CPLANE1: variants seen among roughly 807,000 people sequenced by gnomAD.
The protein encoded by CPLANE1 is ciliogenesis and planar polarity effector 1.
CPLANE1 carries 263 observed loss-of-function variants against 362.5 expected under a neutral mutation model. That is an observed-to-expected ratio of 0.73 (90% CI 0.66 to 0.80). The LOEUF (loss-of-function observed/expected upper bound fraction) is 0.80. CPLANE1 is among the 30% of genes least tolerant of loss of function. The pLI is 0.00. For synonymous variants in CPLANE1, 1,212 were observed against 1,302.6 expected (o/e 0.93, Z 1.50); for missense variants, 3,461 against 3,793.4 (o/e 0.91, Z 2.30).
intron 47 of CPLANE1, among the ~76,000 whole-genome samples, chr5:37,122,884 AAAAT>A (rs1356437941): frequency 6.6e-6 from 1 of 152,324 alleles, no homozygotes; most frequent in Admixed American, 6.5e-5. Flanking sequence ...CCGTTTCAAA[AAAAT>A]AAATAAATAA....
intron 23 of CPLANE1, among the ~76,000 whole-genome samples, chr5:37,187,153 C>G (rs955200007): frequency 1.3e-5 from 2 of 150,758 alleles, no homozygotes; most frequent in African/African-American, 4.9e-5. Context: ...AAGGTTGTAC[C>G]CTTTGACCAA....
At position 37,186,343 on chromosome 5, in the gene CPLANE1, G is replaced by T; in HGVS notation, c.4132C>A (p.Pro1378Thr). The T allele has an allele frequency of 1.2e-6, 2 of 1,606,936 alleles. No homozygotes were observed. Among genetic ancestry groups the T allele is most frequent in the Non-Finnish European group, 1.7e-6 (2 of 1,173,844 alleles). Residue 1378 changes from proline to threonine, a missense_variant, in exon 24 of 53, where the codon CCT becomes ACT. Pro to Thr is a conservative substitution (Grantham distance 38, BLOSUM62 -1). Coordinates refer to ENST00000651892, the MANE Select transcript of CPLANE1 (RefSeq NM_001384732.1). ...AFPYPEDVRV[P>T]LRDKYHSLHQ... ...AGAGAGTGATATTTGTCTCTTAAAGGAACCCTCACGTCCTCAGGATAGGGA... is the reference window on the plus strand; with the variant it reads ...AGAGAGTGATATTTGTCTCTTAAAGTAACCCTCACGTCCTCAGGATAGGGA...
chr5:37,211,686 T>C, intron 16 of CPLANE1: 2 of 785,488 alleles, frequency 2.5e-6, no homozygotes, highest in South Asian at 2.7e-5. Context: ...GCCCCCGCCA[T>C]CACCCGCTGA....
chr5:37,237,451 C>T (rs1171357758), intron 8 of CPLANE1, among the ~76,000 whole-genome samples: 7 of 152,076 alleles, frequency 4.6e-5, no homozygotes, highest in South Asian at 2.1e-4. Flanking sequence ...TACTAAAAGA[C>T]GGGAGGGGAG....
At chr5:37,218,377 A>G (rs1794622004) in intron 15 of CPLANE1, among the ~76,000 whole-genome samples, 1 of 152,196 alleles carries the variant, frequency 6.6e-6, no homozygotes, top group African/African-American at 2.4e-5. Flanking sequence ...TGTTGTCACA[A>G]CTTGTCACTG....
intron 51 of CPLANE1, 92 bp from the exon 52 acceptor site, chr5:37,108,563 G>T: frequency 8.5e-7 from 1 of 1,178,556 alleles, no homozygotes. Context: ...TCAAAGCCAA[G>T]GTAGTCACAT....
intron 38 of CPLANE1, among the ~76,000 whole-genome samples, chr5:37,161,563 C>T (rs1168951681): frequency 6.6e-6 from 1 of 152,126 alleles, no homozygotes; most frequent in Non-Finnish European, 1.5e-5. Context: ...AAGATACACT[C>T]TAATTTAAGA....
At chr5:37,182,408 A>G (rs957556112) in intron 26 of CPLANE1, among the ~76,000 whole-genome samples, 3 of 152,206 alleles carry the variant, frequency 2.0e-5, no homozygotes, top group African/African-American at 7.2e-5. Context: ...ATCAGTAATT[A>G]AAACTACAGA....
At chr5:37,157,460 A>T (rs769244731) in intron 40 of CPLANE1, 40 bp from the exon 41 acceptor site, 5 of 1,418,580 alleles carry the variant, frequency 3.5e-6, no homozygotes, top group Non-Finnish European at 4.8e-6. Context: ...GAATTGGCTG[A>T]TTCTATCAAG....
At chr5:37,168,732 T>A in intron 34 of CPLANE1, 59 bp downstream of exon 34, 1 of 1,394,318 alleles carries the variant, frequency 7.2e-7, no homozygotes, top group Non-Finnish European at 9.9e-7. Context: ...ACAGTACTTA[T>A]GGTATGAAAA....
chr5:37,137,497 C>T (rs1768068142), intron 46 of CPLANE1, among the ~76,000 whole-genome samples: 1 of 152,184 alleles, frequency 6.6e-6, no homozygotes, highest in Non-Finnish European at 1.5e-5. Context: ...TTTACAGTAG[C>T]ACCCCACTCT....
chr5:37,126,028 AG>A (rs1764039343), intron 46 of CPLANE1, among the ~76,000 whole-genome samples: 1 of 152,168 alleles, frequency 6.6e-6, no homozygotes, highest in South Asian at 2.1e-4. Context: ...GCTTTAGCCC[AG>A]GAGTTCAAGA....
chr5:37,122,485 A>G lies in CPLANE1; in HGVS notation c.8962T>C (p.Tyr2988His). Reference sequence around the variant, plus strand: ...AGCCTTATTTCCCTTGAAGTCATGTAAAGCTGCATAAAAAATACCCAGTTG... The same window carrying G: ...AGCCTTATTTCCCTTGAAGTCATGTGAAGCTGCATAAAAAATACCCAGTTG... The part of the protein sequence containing the change: ...DPFCPRSNPL[Y>H]MTSREIRLRQ... Residue 2988 changes from tyrosine (Y) to histidine (H), a missense_variant, in exon 48 of 53, where the codon TAC becomes CAC. Transcript: ENST00000651892. The G allele has an allele frequency of 6.2e-7, 1 of 1,609,202 alleles. No homozygotes were observed. The highest frequency in any genetic ancestry group is 1.3e-5 in the African/African-American group (1 of 74,740).
chr5:37,147,751 T>A (rs1772110503), intron 43 of CPLANE1, among the ~76,000 whole-genome samples: 1 of 151,716 alleles, frequency 6.6e-6, no homozygotes, highest in African/African-American at 2.4e-5. Flanking sequence ...ATTCTTTCAA[T>A]AAAAAATGAA....
chr5:37,147,091 C>T lies in CPLANE1; in HGVS notation c.8461+1090G>A, dbSNP rs554590607. Among the ~76,000 whole-genome samples the T allele has an allele frequency of 4.6e-5, 7 of 152,164 alleles. No individual in the cohort carries two copies. The East Asian group carries it at 5.8e-4, about 13-fold the overall frequency. On this transcript the variant is annotated intron_variant, in intron 43 of 52. Transcript: ENST00000651892. ...TTAATGCAACCTTCTAAGAAATGAACGGATCAAGCTGACTAATCAGAAAAA... is the reference window on the plus strand; with the variant it reads ...TTAATGCAACCTTCTAAGAAATGAATGGATCAAGCTGACTAATCAGAAAAA...
At chr5:37,218,030 T>C (rs1197564512) in intron 15 of CPLANE1, among the ~76,000 whole-genome samples, 2 of 151,994 alleles carry the variant, frequency 1.3e-5, no homozygotes, top group Non-Finnish European at 2.9e-5. Flanking sequence ...TTAATAAAAA[T>C]TAAATAACTA....
intron 20 of CPLANE1, 134 bp downstream of exon 20, chr5:37,198,568 T>G: frequency 1.2e-6 from 1 of 849,078 alleles, no homozygotes; most frequent in Non-Finnish European, 1.8e-6. Flanking sequence ...GTCTGTTTGT[T>G]TATGAATAAA....
the CPLANE1 span, among the ~76,000 whole-genome samples, chr5:37,092,177 G>A: frequency 1.3e-5 from 2 of 152,126 alleles, no homozygotes; most frequent in Non-Finnish European, 2.9e-5. Flanking sequence ...AATAACATAA[G>A]TGCTTGGCTA....
chr5:37,078,218 C>T, the CPLANE1 span, among the ~76,000 whole-genome samples: 1 of 152,100 alleles, frequency 6.6e-6, no homozygotes, highest in African/African-American at 2.4e-5. Flanking sequence ...CTCAACAGGC[C>T]CCAGTGGCGT....
Sources: gnomAD v4.1 joint callset for allele counts (sites outside exome capture counted in the v4.1 genomes callset) on GRCh38, gnomAD v4.1.1 for gene constraint, MANE v1.5 for transcripts, NCBI Gene and HGNC (gene_info 2026-07-23, HGNC 2026-07-21) for gene names.